Variants in WNT2B observed in about 807,000 individuals in gnomAD.
WNT2B encodes protein Wnt-2b.
A neutral mutation model predicts 40.5 loss-of-function variants in WNT2B; 19 were observed. The observed-to-expected ratio is 0.47, with a 90% CI of 0.33 to 0.69. WNT2B has a LOEUF of 0.69. WNT2B is among the 30% of genes least tolerant of loss of function. The pLI, the probability that WNT2B is intolerant of heterozygous loss-of-function variation, is 0.02. For synonymous variants in WNT2B, 220 were observed against 211.9 expected, an observed-to-expected ratio of 1.04 and a Z score of -0.33; for missense variants, 467 against 556.4, an observed-to-expected ratio of 0.84 and a Z score of 1.62.
chr1:112,489,494 G>T (rs2488784), intron 1 of WNT2B, among the ~76,000 whole-genome samples: 1 of 152,074 alleles, frequency 6.6e-6, no homozygotes, highest in Non-Finnish European at 1.5e-5. Context: ...AACCCAGGAG[G>T]TGGAGGCTGC....
chr1:112,520,495 C>T lies in WNT2B; in HGVS notation c.1162C>T (p.Leu388=), dbSNP rs1403862456. ...CAAAGCCCCCAAGAAGGCAGAGTGG[C>T]TGGACCAAACCTGAACACACAGATA... is the stretch of plus-strand genomic sequence containing the variant. ...TCKAPKKAEW[L]DQT Residue 388 remains leucine (L), a synonymous_variant, in exon 5 of 5, where the codon CTG becomes TTG. Coordinates refer to ENST00000369684, the MANE Select transcript of WNT2B (RefSeq NM_024494.3). 6.2e-7 allele frequency: 1 copy of T among 1,614,062 alleles called. No individual in the cohort carries two copies. The highest frequency in any genetic ancestry group is 2.2e-5 in the East Asian group (1 of 44,872).
At chr1:112,484,284 T>TATATATAC (rs1651341462) in intron 1 of WNT2B, among the ~76,000 whole-genome samples, 1 of 106,594 alleles carries the variant, frequency 9.4e-6, no homozygotes, top group African/African-American at 4.7e-5. Flanking sequence ...TATATATATA[T>TATATATAC]ATATATACAC....
Position 112,520,550 on chromosome 1 carries a change from C to G in WNT2B, c.*41C>G, listed in dbSNP as rs1476741681. 2 of 1,596,914 alleles carry G rather than the reference C, an allele frequency of 1.3e-6. No homozygotes were observed. On this transcript the variant is annotated 3_prime_UTR_variant, in exon 5 of 5. Transcript: ENST00000369684. ...ACTCATCCCTCCAATTCAAGCCTCT[C>G]AACTCAAAAGCACAAGATCCTTGCA... is the stretch of plus-strand genomic sequence containing the variant.
intron 1 of WNT2B, among the ~76,000 whole-genome samples, chr1:112,512,396 G>C (rs1437284623): frequency 1.3e-5 from 2 of 152,244 alleles, no homozygotes; most frequent in East Asian, 3.8e-4. Context: ...TGCAGATTCT[G>C]TTACGGTAGG....
chr1:112,508,779 A>C (rs1652220395), upstream of WNT2B: 4 of 987,108 alleles, frequency 4.1e-6, no homozygotes, highest in Non-Finnish European at 4.8e-6. The surrounding 1 kb of genome is among the most constrained non-coding windows in gnomAD (Gnocchi z 4.2). Flanking sequence ...AGCGTGCGGG[A>C]GCAGGTGGGG....
At chr1:112,471,614 G>A (rs552900321) in intron 1 of WNT2B, among the ~76,000 whole-genome samples, 1 of 152,214 alleles carries the variant, frequency 6.6e-6, no homozygotes, top group South Asian at 2.1e-4. Flanking sequence ...TGCTAGCCAC[G>A]CCAATAGGAA....
chr1:112,476,455 A>G (rs1178430422), intron 1 of WNT2B, among the ~76,000 whole-genome samples: 3 of 152,182 alleles, frequency 2.0e-5, no homozygotes. Flanking sequence ...ACTACATACC[A>G]ACCAAAATAG....
intron 1 of WNT2B, among the ~76,000 whole-genome samples, chr1:112,497,655 A>G (rs351359): frequency 0.58 from 88,219 of 152,032 alleles, 25,789 homozygotes; most frequent in South Asian, 0.66. Flanking sequence ...ACTTCCTTCT[A>G]TCCTTATTAA....
chr1:112,515,124 C>T lies in WNT2B; in HGVS notation c.403+30C>T, dbSNP rs778148266. 1 of 1,603,844 alleles carries T rather than the reference C, an allele frequency of 6.2e-7. No individual in the cohort carries two copies. The highest frequency in any genetic ancestry group is 8.5e-7 in the Non-Finnish European group (1 of 1,173,934). ...GAGCCTCTTCCATCCTGTGTCAGCT[C>T]CTTCCCTTTCTGTGCTGGGGGTGGT... On this transcript the variant is annotated intron_variant, in intron 2 of 4. Transcript: ENST00000369684. The surrounding 1 kb of genome is among the most constrained non-coding windows in gnomAD (Gnocchi z 4.4).
chr1:112,493,259 T>C (rs1324361621), intron 1 of WNT2B, among the ~76,000 whole-genome samples: 1 of 151,934 alleles, frequency 6.6e-6, no homozygotes, highest in African/African-American at 2.4e-5. Context: ...CTTTGATGAG[T>C]TTGTTAGTGG....
intron 1 of WNT2B, among the ~76,000 whole-genome samples, chr1:112,478,473 A>G (rs1277587299): frequency 2.0e-5 from 3 of 152,164 alleles, no homozygotes; most frequent in Non-Finnish European, 1.5e-5. Flanking sequence ...GAGAAAAGTA[A>G]CTGATCACAT....
chr1:112,498,934 G>A (rs61820523), intron 1 of WNT2B, among the ~76,000 whole-genome samples: 18,867 of 152,128 alleles, frequency 0.12, 1,248 homozygotes, highest in African/African-American at 0.17. Context: ...CCAGCTGGGC[G>A]CGGTGGCTCA....
At position 112,520,968 on chromosome 1, in the gene WNT2B, A is replaced by T. The variant is rs1307730377; in HGVS notation, c.*459A>T. 1 of 166,062 alleles carries T rather than the reference A, an allele frequency of 6.0e-6. No homozygotes were observed. The highest frequency in any genetic ancestry group is 5.7e-5 in the Admixed American group (1 of 17,590). 10.3% of individuals were successfully genotyped at this position (166,062 alleles called of 1,614,324 possible). ...CCTTCTCTGAAGTCCGTTTGAGCAG[A>T]ACTACCTGGTACCCCGAAAGAAAAT... On this transcript the variant is annotated 3_prime_UTR_variant, in exon 5 of 5. Coordinates refer to ENST00000369684, the MANE Select transcript of WNT2B (RefSeq NM_024494.3).
chr1:112,479,923 A>G (rs549482243), intron 1 of WNT2B, among the ~76,000 whole-genome samples: 2 of 152,020 alleles, frequency 1.3e-5, no homozygotes, highest in South Asian at 4.2e-4. Flanking sequence ...GGTGTTAGCC[A>G]GGATGGTCTC....
intron 1 of WNT2B, among the ~76,000 whole-genome samples, chr1:112,474,579 C>T (rs1218362071): frequency 6.6e-6 from 1 of 152,150 alleles, no homozygotes; most frequent in Non-Finnish European, 1.5e-5. Context: ...TGGTAGACTA[C>T]TGAGGAAAAA....
At chr1:112,476,793 G>A (rs1465168081) in intron 1 of WNT2B, among the ~76,000 whole-genome samples, 1 of 152,138 alleles carries the variant, frequency 6.6e-6, no homozygotes, top group Non-Finnish European at 1.5e-5. Context: ...TGTCCCCCTG[G>A]AGAAGAAGCT....
chr1:112,517,663 A>G (rs1250004812), intron 4 of WNT2B: 1 of 404,546 alleles, frequency 2.5e-6, no homozygotes, highest in Non-Finnish European at 4.5e-6. Context: ...TATTCAGGGT[A>G]TGTTTAACTT....
chr1:112,467,495 T>C (rs1650741299), exon 1 of WNT2B: 2 of 777,018 alleles, frequency 2.6e-6, no homozygotes, highest in African/African-American at 1.7e-5. Flanking sequence ...CTGTTAACAC[T>C]GCTGTCTCCT....
At chr1:112,484,868 T>A (rs956130148) in intron 1 of WNT2B, among the ~76,000 whole-genome samples, 3 of 152,194 alleles carry the variant, frequency 2.0e-5, no homozygotes, top group African/African-American at 7.2e-5. Context: ...GCAAGACTTA[T>A]ACACAAAAAC....
Sources: gnomAD v4.1 joint callset for allele counts (sites outside exome capture counted in the v4.1 genomes callset) on GRCh38, gnomAD v4.1.1 for gene constraint, Gnocchi (gnomAD v3.1) non-coding constraint, MANE v1.5 for transcripts, NCBI Gene and HGNC (gene_info 2026-07-23, HGNC 2026-07-21) for gene names.